The following TRPC6 variants were observed in gnomAD, a reference collection of about 807,000 sequenced individuals.
TRPC6 encodes the protein short transient receptor potential channel 6.
A neutral mutation model predicts 90.7 loss-of-function variants in TRPC6; 55 were observed. That is an observed-to-expected ratio of 0.61 (90% CI 0.49 to 0.76). The LOEUF (loss-of-function observed/expected upper bound fraction) is 0.76, where lower values mean the gene tolerates loss of function less well. Among genes scored for constraint, TRPC6 ranks in the 30% least tolerant of loss-of-function variants. The pLI is 0.00. For missense variants in TRPC6, 989 were observed against 1,122.7 expected (o/e 0.88, Z 1.70); for synonymous variants, 393 against 393.0 (o/e 1.00, Z 0.00).
Position 101,483,143 on chromosome 11 carries a change from G to C in TRPC6, c.1316C>G (p.Pro439Arg), listed in dbSNP as rs745469798. Residue 439 changes from proline (P) to arginine (R), a missense_variant, in exon 5 of 13, where the codon CCA becomes CGA. This residue lies in a region of TRPC6 where 486 missense variants were observed against 591.9 expected (regional missense o/e 0.82). Coordinates refer to ENST00000344327, the MANE Select transcript of TRPC6 (RefSeq NM_004621.6). ...TGCGTGTGCTACAAACTTCATGAAT[G>C]GTCCACGCATTATCTTCCCCATCTG... ...CSKMGKIMRG[P>R]FMKFVAHAAS... 6.2e-7 allele frequency: 1 copy of C among 1,613,908 alleles called. No homozygotes were observed. The highest frequency in any genetic ancestry group is 8.5e-7 in the Non-Finnish European group (1 of 1,179,898).
rs541204090 is a variant in TRPC6, at chr11:101,533,389, C to T, written c.171-28591G>A. 1.3e-3 allele frequency among the ~76,000 whole-genome samples: 199 copies of T among 152,162 alleles called. 1 individual carries two copies. Among genetic ancestry groups the T allele is most frequent in the Non-Finnish European group, 2.0e-3 (136 of 68,002 alleles). ...AGTTTGGTTGCAGAGAAGGGGGAAG[C>T]GGGGCAGTGCCACACACTTTTAAAT... is the stretch of plus-strand genomic sequence containing the variant. On this transcript the variant is annotated intron_variant, in intron 1 of 12. Coordinates refer to ENST00000344327, the MANE Select transcript of TRPC6 (RefSeq NM_004621.6).
Position 101,473,791 on chromosome 11 carries a change from C to T in TRPC6, c.1745-18G>A, listed in dbSNP as rs201867991. ...TATCCTGGCTAGGAAAAAGCAAAGACAAAGAGTTGTGTGAGTTTCTTCAAG... is the reference window on the plus strand; with the variant it reads ...TATCCTGGCTAGGAAAAAGCAAAGATAAAGAGTTGTGTGAGTTTCTTCAAG... On this transcript the variant is annotated intron_variant, in intron 6 of 12. Coordinates refer to ENST00000344327, the MANE Select transcript of TRPC6 (RefSeq NM_004621.6). 3.7e-5 allele frequency: 60 copies of T among 1,613,204 alleles called. No homozygotes were observed. Among genetic ancestry groups the T allele is most frequent in the Non-Finnish European group, 3.1e-5 (36 of 1,179,550 alleles).
At chr11:101,520,516 G>A (rs1038318174) in intron 1 of TRPC6, among the ~76,000 whole-genome samples, 4 of 152,300 alleles carry the variant, frequency 2.6e-5, no homozygotes, top group South Asian at 4.1e-4. Flanking sequence ...AATGGACAGA[G>A]GTTGGAACAG....
intron 1 of TRPC6, among the ~76,000 whole-genome samples, chr11:101,564,866 C>T (rs1469822830): frequency 6.6e-6 from 1 of 151,960 alleles, no homozygotes; most frequent in African/African-American, 2.4e-5. Flanking sequence ...GATTTAAAAA[C>T]AGACACATAG....
At chr11:101,471,918 G>T (rs953428766) in intron 8 of TRPC6, among the ~76,000 whole-genome samples, 13 of 152,120 alleles carry the variant, frequency 8.5e-5, no homozygotes, top group African/African-American at 3.1e-4. Context: ...CAGCATTTCT[G>T]CTTCTTATGC....
chr11:101,471,405 C>T lies in TRPC6; in HGVS notation c.2206-19G>A, dbSNP rs754329354. On this transcript the variant is annotated intron_variant, in intron 8 of 12. Coordinates refer to ENST00000344327, the MANE Select transcript of TRPC6 (RefSeq NM_004621.6). ...CGTCATCCTATACAAATACACATGA[C>T]AGTTCAGCAAGGAAATGCATAAACA... The T allele has an allele frequency of 7.4e-6, 12 of 1,612,738 alleles. No individual in the cohort carries two copies. In the South Asian group the frequency reaches 1.3e-4, roughly 18 times the overall value.
chr11:101,483,697 A>ACAGGGCAG (rs1385813667), intron 4 of TRPC6, among the ~76,000 whole-genome samples: 1 of 152,188 alleles, frequency 6.6e-6, no homozygotes, highest in Non-Finnish European at 1.5e-5. Context: ...CCAGCTGAGG[A>ACAGGGCAG]CAGGGCAGCA....
intron 2 of TRPC6, 80 bp downstream of exon 2, chr11:101,503,944 G>A: frequency 6.4e-7 from 1 of 1,559,404 alleles, no homozygotes; most frequent in South Asian, 1.1e-5. Context: ...CTAGCACAGT[G>A]CTGAGCACAT....
intron 1 of TRPC6, among the ~76,000 whole-genome samples, chr11:101,542,724 A>G (rs1368246161): frequency 6.6e-6 from 1 of 151,998 alleles, no homozygotes; most frequent in African/African-American, 2.4e-5. Flanking sequence ...AGCTAAATTT[A>G]TATAATCTAT....
At chr11:101,501,168 C>A (rs1860113382) in intron 2 of TRPC6, among the ~76,000 whole-genome samples, 2 of 151,904 alleles carry the variant, frequency 1.3e-5, no homozygotes, top group Admixed American at 1.3e-4. Context: ...CCAATACAAT[C>A]TCTCAGGTCC....
At chr11:101,528,721 CA>C (rs1860842676) in intron 1 of TRPC6, among the ~76,000 whole-genome samples, 1 of 152,092 alleles carries the variant, frequency 6.6e-6, no homozygotes, top group Non-Finnish European at 1.5e-5. Context: ...AAAACATAAA[CA>C]TGCTTAGCAG....
At position 101,569,189 on chromosome 11, in the gene TRPC6, CAA is replaced by C. The variant is rs201079279; in HGVS notation, c.170+14143_170+14144del. 3.9e-3 allele frequency among the ~76,000 whole-genome samples: 436 copies of C among 113,140 alleles called. 3 individuals are homozygous for C. Among genetic ancestry groups the C allele is most frequent in the African/African-American group, 0.012 (391 of 31,886 alleles). 74.2% of individuals were successfully genotyped at this position (113,140 alleles called of 152,430 possible). On this transcript the variant is annotated intron_variant, in intron 1 of 12. Coordinates refer to ENST00000344327, the MANE Select transcript of TRPC6 (RefSeq NM_004621.6). ...GAATATTTACTAAGCAAATGGAAAGCAAAAAAAAAAAAAGCAGGGGTTGCAGT... is the reference window on the plus strand; with the variant it reads ...GAATATTTACTAAGCAAATGGAAAGCAAAAAAAAAAAGCAGGGGTTGCAGT...
In TRPC6 at chr11:101,452,931, T is replaced by C. The variant is rs369102556; in HGVS notation, c.*24A>G. Reference sequence around the variant, plus strand: ...ATGGCTTCAAGTGGACAAATAAATATGAATTTCTAAGGAAGTCTTCGCATT... The same window carrying C: ...ATGGCTTCAAGTGGACAAATAAATACGAATTTCTAAGGAAGTCTTCGCATT... On this transcript the variant is annotated 3_prime_UTR_variant, in exon 13 of 13. Coordinates refer to ENST00000344327, the MANE Select transcript of TRPC6 (RefSeq NM_004621.6). The C allele has an allele frequency of 3.7e-6, 6 of 1,613,090 alleles. No homozygotes were observed. Among genetic ancestry groups the C allele is most frequent in the African/African-American group, 1.3e-5 (1 of 74,886 alleles).
chr11:101,532,756 G>A (rs552816579), intron 1 of TRPC6, among the ~76,000 whole-genome samples: 1 of 117,214 alleles, frequency 8.5e-6, no homozygotes, highest in African/African-American at 3.1e-5. Context: ...TAGCATGACA[G>A]AGGAGTGTGG....
chr11:101,524,501 G>A (rs117692323), intron 1 of TRPC6, among the ~76,000 whole-genome samples: 4,353 of 152,214 alleles, frequency 0.029, 80 homozygotes, highest in Non-Finnish European at 0.045. Flanking sequence ...CACCCATCTC[G>A]GCCTCCCAAA....
intron 1 of TRPC6, among the ~76,000 whole-genome samples, chr11:101,533,863 T>G (rs1021927833): frequency 3.3e-5 from 5 of 152,222 alleles, no homozygotes; most frequent in African/African-American, 1.2e-4. Context: ...TTGTTTGATG[T>G]ATTCACAGCC....
In TRPC6 at chr11:101,525,683, C is replaced by A. The variant is rs371999144; in HGVS notation, c.171-20885G>T. Among the ~76,000 whole-genome samples, 31 of 152,308 alleles carry A rather than the reference C, an allele frequency of 2.0e-4. 1 individual carries two copies. The highest frequency in any genetic ancestry group is 7.0e-4 in the African/African-American group (29 of 41,572). ...GATACACTTTGACAGTCAAGTACAA[C>A]AGGGTAGCTAGAGATTAAGATGGAG... On this transcript the variant is annotated intron_variant, in intron 1 of 12. Coordinates refer to ENST00000344327, the MANE Select transcript of TRPC6 (RefSeq NM_004621.6).
At chr11:101,503,458 TG>T (rs1860178303) in intron 2 of TRPC6, among the ~76,000 whole-genome samples, 1 of 152,200 alleles carries the variant, frequency 6.6e-6, no homozygotes. Flanking sequence ...AATTAAATAT[TG>T]TTTTCTCTGA....
chr11:101,500,119 G>T (rs1860078648), intron 2 of TRPC6, among the ~76,000 whole-genome samples: 1 of 147,776 alleles, frequency 6.8e-6, no homozygotes, highest in Non-Finnish European at 1.5e-5. Flanking sequence ...TATAGCCAAA[G>T]TGTGAACATG....
Sources: allele counts gnomAD v4.1 joint callset (sites outside exome capture counted in the v4.1 genomes callset), GRCh38; gene constraint gnomAD v4.1.1; regional missense constraint gnomAD v4.1.1; transcripts MANE v1.5; gene names NCBI Gene and HGNC (gene_info 2026-07-23, HGNC 2026-07-21).